TBC1D5: variants seen among roughly 807,000 people sequenced by gnomAD.
TBC1D5 encodes TBC1 domain family member 5, also known as TBC1 domain family, member 5.
In TBC1D5, 75 loss-of-function variants were observed where a neutral mutation model predicts 100.3. The observed-to-expected ratio is 0.75, with a 90% CI of 0.62 to 0.91. The LOEUF (loss-of-function observed/expected upper bound fraction) is 0.91, where lower values mean the gene tolerates loss of function less well. Among genes scored for constraint, TBC1D5 ranks in the 40% least tolerant of loss-of-function variants. The pLI is 0.00. For synonymous variants in TBC1D5, 323 were observed against 325.6 expected (o/e 0.99, Z 0.09); for missense variants, 910 against 942.4 (o/e 0.97, Z 0.45).
At chr3:17,370,885 T>C (rs2092416078) in intron 13 of TBC1D5, among the ~76,000 whole-genome samples, 1 of 152,170 alleles carries the variant, frequency 6.6e-6, no homozygotes, top group Non-Finnish European at 1.5e-5. Flanking sequence ...TTGCATGTTC[T>C]ACCTAATGGA....
chr3:17,556,774 C>G (rs1310610324), intron 2 of TBC1D5, among the ~76,000 whole-genome samples: 1 of 152,076 alleles, frequency 6.6e-6, no homozygotes, highest in Non-Finnish European at 1.5e-5. Context: ...CACTACAGAA[C>G]CATTAAGAGC....
intron 3 of TBC1D5, among the ~76,000 whole-genome samples, chr3:17,506,276 T>C (rs1386286969): frequency 6.6e-6 from 1 of 152,132 alleles, no homozygotes; most frequent in Non-Finnish European, 1.5e-5. Context: ...GAAGATGAAA[T>C]AGATGCTTTA....
intron 1 of TBC1D5, among the ~76,000 whole-genome samples, chr3:17,672,344 A>G (rs866046332): frequency 1.3e-5 from 2 of 152,290 alleles, no homozygotes; most frequent in South Asian, 2.1e-4. Context: ...ATTTTTTTCA[A>G]TACTCAAGAG....
intron 18 of TBC1D5, among the ~76,000 whole-genome samples, chr3:17,209,242 A>G (rs2072641126): frequency 6.6e-6 from 1 of 152,100 alleles, no homozygotes; most frequent in East Asian, 1.9e-4. Flanking sequence ...GATCTCCCAG[A>G]CTCAGGTGAT....
chr3:17,438,247 GAAGTAAA>G (rs2094572950), intron 3 of TBC1D5, among the ~76,000 whole-genome samples: 1 of 152,192 alleles, frequency 6.6e-6, no homozygotes, highest in African/African-American at 2.4e-5. Flanking sequence ...AGCTTGCTAA[GAAGTAAA>G]TATGTTGATA....
chr3:17,454,118 T>C (rs1158278422), intron 3 of TBC1D5, among the ~76,000 whole-genome samples: 1 of 151,958 alleles, frequency 6.6e-6, no homozygotes, highest in Non-Finnish European at 1.5e-5. Flanking sequence ...GAAGAACATA[T>C]CTCAACATAA....
chr3:17,663,269 TTA>T (rs1026055783), intron 1 of TBC1D5, among the ~76,000 whole-genome samples: 7 of 29,804 alleles, frequency 2.3e-4, no homozygotes, highest in African/African-American at 6.9e-4. Context: ...ACATAAAAAT[TTA>T]TATGACCCAA....
intron 3 of TBC1D5, among the ~76,000 whole-genome samples, chr3:17,487,995 C>G (rs764253618): frequency 3.3e-5 from 5 of 152,116 alleles, no homozygotes; most frequent in Non-Finnish European, 5.9e-5. Flanking sequence ...TTATTAAACT[C>G]CATAGTTTTA....
chr3:17,704,299 GAA>G (rs1273180091), intron 1 of TBC1D5, among the ~76,000 whole-genome samples: 1 of 149,694 alleles, frequency 6.7e-6, no homozygotes, highest in African/African-American at 2.5e-5. Flanking sequence ...AGAACAAAAT[GAA>G]AAGTCTCCCA....
At chr3:17,514,612 C>A (rs2095958984) in intron 2 of TBC1D5, among the ~76,000 whole-genome samples, 1 of 150,288 alleles carries the variant, frequency 6.7e-6, no homozygotes, top group Non-Finnish European at 1.5e-5. Flanking sequence ...GAGAAATATG[C>A]AGAATATGAG....
chr3:17,227,415 A>G lies in TBC1D5; in HGVS notation c.1588+10748T>C, dbSNP rs1422058954. On this transcript the variant is annotated intron_variant, in intron 17 of 21. Transcript: ENST00000253692. Reference sequence around the variant, plus strand: ...GATTAAGTTCAACAGAGTGCTTTCTAAAAAATTTGATGATTATTTCAATGT... The same window carrying G: ...GATTAAGTTCAACAGAGTGCTTTCTGAAAAATTTGATGATTATTTCAATGT... Among the ~76,000 whole-genome samples the G allele has an allele frequency of 1.3e-5, 2 of 152,228 alleles. 1 individual carries two copies. Among genetic ancestry groups the G allele is most frequent in the African/African-American group, 4.8e-5 (2 of 41,458 alleles).
At chr3:17,524,965 G>A (rs2096113452) in intron 2 of TBC1D5, among the ~76,000 whole-genome samples, 1 of 151,704 alleles carries the variant, frequency 6.6e-6, no homozygotes, top group Non-Finnish European at 1.5e-5. Context: ...TATGTACACA[G>A]CATACTGAAA....
Position 17,508,581 on chromosome 3 carries a change from G to A in TBC1D5, c.-11C>T. ...TAAGGAATGATACATTGTGGGAACT[G>A]GACAGCGTCACCAAAAGTAACTACC... On this transcript the variant is annotated 5_prime_UTR_variant, in exon 3 of 22. It introduces an in-frame stop codon into an upstream open reading frame of the 5' UTR. Coordinates refer to ENST00000253692, the Ensembl canonical transcript of TBC1D5. The A allele has an allele frequency of 1.2e-6, 2 of 1,604,264 alleles. No homozygotes were observed. Among genetic ancestry groups the A allele is most frequent in the African/African-American group, 1.3e-5 (1 of 74,838 alleles).
chr3:17,642,694 T>TG (rs1232911243), intron 1 of TBC1D5, among the ~76,000 whole-genome samples: 1 of 152,190 alleles, frequency 6.6e-6, no homozygotes. Context: ...CAACAAGTGC[T>TG]GAGTCTATCC....
At chr3:17,368,567 T>C (rs62245917) in intron 13 of TBC1D5, among the ~76,000 whole-genome samples, 3,353 of 152,196 alleles carry the variant, frequency 0.022, 48 homozygotes, top group Middle Eastern at 0.051. Context: ...CATGTAAATA[T>C]ATATTTATGA....
intron 18 of TBC1D5, among the ~76,000 whole-genome samples, chr3:17,212,787 A>AT (rs1444418698): frequency 2.0e-5 from 3 of 152,120 alleles, no homozygotes; most frequent in Non-Finnish European, 4.4e-5. Context: ...AATAAAAAGC[A>AT]TTTTTGTACA....
chr3:17,693,253 G>A (rs936857691), intron 1 of TBC1D5, among the ~76,000 whole-genome samples: 1 of 152,156 alleles, frequency 6.6e-6, no homozygotes, highest in Non-Finnish European at 1.5e-5. Context: ...TGCAGCCCAC[G>A]GAAGGCAAGC....
chr3:17,392,443 GC>G (rs1169569186), intron 8 of TBC1D5, among the ~76,000 whole-genome samples: 2 of 151,942 alleles, frequency 1.3e-5, no homozygotes, highest in Non-Finnish European at 2.9e-5. Flanking sequence ...GTATACACAT[GC>G]CATGGTGGTT....
chr3:17,503,301 A>T (rs1305055227), intron 3 of TBC1D5, among the ~76,000 whole-genome samples: 1 of 149,666 alleles, frequency 6.7e-6, no homozygotes, highest in African/African-American at 2.5e-5. Context: ...TTAGATAGAC[A>T]TCACACCTTC....
Sources: allele counts gnomAD v4.1 joint callset (sites outside exome capture counted in the v4.1 genomes callset), GRCh38; gene constraint gnomAD v4.1.1; transcripts MANE v1.5; gene names NCBI Gene and HGNC (gene_info 2026-07-23, HGNC 2026-07-21).